The following CCL16 variants were observed in gnomAD, a reference collection of about 807,000 sequenced individuals.
The protein encoded by CCL16 is C-C motif chemokine ligand 16.
Under a neutral mutation model 7.5 loss-of-function variants are expected in CCL16, and 6 were observed. The ratio of observed to expected loss-of-function variants is 0.80; its 90% CI spans 0.44 to 1.57. The LOEUF (loss-of-function observed/expected upper bound fraction) is 1.57, where lower values mean the gene tolerates loss of function less well. CCL16 is among the 40% of genes most tolerant of loss of function. The probability of loss-of-function intolerance (pLI) is 0.01; values close to 1 mark genes in which losing one functional copy is unlikely to be tolerated. For synonymous variants in CCL16, 60 were observed against 57.7 expected, an observed-to-expected ratio of 1.04 and a Z score of -0.18; for missense variants, 134 against 142.9, an observed-to-expected ratio of 0.94 and a Z score of 0.32.
chr17:35,977,581 G>A lies in CCL16; in HGVS notation c.348C>T (p.Leu116=). Residue 116 remains leucine, a synonymous_variant, in exon 3 of 3, where the codon CTC becomes CTT. Transcript: ENST00000611905. ...AGCCTGGTCATCACTGGGAGTTGAGGAGCTGGGGTTGACCATTCTTTGCTG... is the reference window on the plus strand; with the variant it reads ...AGCCTGGTCATCACTGGGAGTTGAGAAGCTGGGGTTGACCATTCTTTGCTG... ...IITAKNGQPQ[L]LNSQ 1.2e-6 allele frequency: 2 copies of A among 1,612,764 alleles called. No individual in the cohort carries two copies. The highest frequency in any genetic ancestry group is 1.7e-6 in the Non-Finnish European group (2 of 1,179,992).
rs1347038111 is a variant in CCL16 at position 35,978,266 on chromosome 17, G to A, written c.77-3C>T. 6.2e-7 allele frequency: 1 copy of A among 1,614,236 alleles called. No individual in the cohort carries two copies. The highest frequency in any genetic ancestry group is 1.7e-5 in the Admixed American group (1 of 60,022). On this transcript the variant is annotated splice_region_variant and splice_polypyrimidine_tract_variant and intron_variant, in intron 1 of 2. Transcript: ENST00000611905. ...GGTGTTCACCCACTCAGGAACTTCT[G>A]AAGGAATCACATTGCAAGCTGAGCC...
At position 35,977,706 on chromosome 17, in the gene CCL16, C is replaced by A; in HGVS notation, c.223G>T (p.Val75Phe). 1 of 1,612,152 alleles carries A rather than the reference C, an allele frequency of 6.2e-7. No individual in the cohort carries two copies. Among genetic ancestry groups the A allele is most frequent in the South Asian group, 1.1e-5 (1 of 90,964 alleles). Residue 75 changes from valine (V) to phenylalanine (F), a missense_variant, in exon 3 of 3, where the codon GTC (valine) becomes TTC (phenylalanine). Val to Phe is a conservative substitution (Grantham distance 50). Coordinates refer to ENST00000611905, the MANE Select transcript of CCL16 (RefSeq NM_004590.4). ...CAGTCGTCATTGGGGTTGGTGCAGA[C>A]TTCTCGGTTCCTCTTGGTGACGAAG... is the stretch of plus-strand genomic sequence containing the variant. ...IIFVTKRNRE[V>F]CTNPNDDWVQ... is the part of the protein sequence containing the mutation.
chr17:35,978,613 G>A (rs1050988825), intron 1 of CCL16, among the ~76,000 whole-genome samples: 2 of 152,178 alleles, frequency 1.3e-5, no homozygotes, highest in Non-Finnish European at 2.9e-5. Context: ...GTAAAAACAT[G>A]AGGAAGATAC....
At chr17:35,981,163 C>T (rs950915310) in intron 1 of CCL16, among the ~76,000 whole-genome samples, 182 bp downstream of exon 1, 5 of 152,092 alleles carry the variant, frequency 3.3e-5, no homozygotes, top group African/African-American at 7.2e-5. Flanking sequence ...CAGAAAGATC[C>T]GGACCAACCC....
At chr17:35,978,074 C>A in intron 2 of CCL16, 69 bp downstream of exon 2, 2 of 1,601,728 alleles carry the variant, frequency 1.2e-6, no homozygotes, top group East Asian at 2.2e-5. Flanking sequence ...CTCTTGATCC[C>A]ATGTATCTCA....
rs780632362 is a variant in CCL16 at position 35,977,665 on chromosome 17, G to C, written c.264C>G (p.Ile88Met). 18 of 1,612,304 alleles carry C rather than the reference G, an allele frequency of 1.1e-5. No homozygotes were observed. Among genetic ancestry groups the C allele is most frequent in the Non-Finnish European group, 1.3e-5 (15 of 1,179,988 alleles). ...GCAGCAAAGGTAGGTTGGGATCCTTGATGTACTCTTGGACCCAGTCGTCAT... is the reference window on the plus strand; with the variant it reads ...GCAGCAAAGGTAGGTTGGGATCCTTCATGTACTCTTGGACCCAGTCGTCAT... Reference protein sequence around the residue: ...NPNDDWVQEYIKDPNLPLLPT... With the variant: ...NPNDDWVQEYMKDPNLPLLPT... The change falls in exon 3 of 3, where the codon ATC becomes ATG. Residue 88 changes from isoleucine (I) to methionine (M), a missense_variant. Transcript: ENST00000611905.
chr17:35,980,138 T>C (rs2089669891), intron 1 of CCL16, among the ~76,000 whole-genome samples: 1 of 152,106 alleles, frequency 6.6e-6, no homozygotes, highest in African/African-American at 2.4e-5. Context: ...ATCCTGAGAG[T>C]ATGTGGGCAG....
intron 2 of CCL16, 37 bp from the exon 3 acceptor site, chr17:35,977,768 C>T (rs748734275): frequency 1.2e-6 from 2 of 1,601,492 alleles, no homozygotes; most frequent in Admixed American, 1.7e-5. Flanking sequence ...GGGCTGCAGA[C>T]TCGGGCAGGA....
Position 35,977,365 on chromosome 17 carries a change from G to C in CCL16, c.*201C>G, listed in dbSNP as rs1435364825. The C allele has an allele frequency of 4.8e-6, 2 of 412,894 alleles. No individual in the cohort carries two copies. The highest frequency in any genetic ancestry group is 4.1e-5 in the African/African-American group (2 of 48,562). The allele number at this position is 412,894 out of a possible 1,614,324, so 25.6% of individuals were successfully genotyped here. ...TAAAAATATAAATATAAAAATAAAAGAGCGTACCTCTGCCCACGTCCCTTA... is the reference window on the plus strand; with the variant it reads ...TAAAAATATAAATATAAAAATAAAACAGCGTACCTCTGCCCACGTCCCTTA... On this transcript the variant is annotated 3_prime_UTR_variant, in exon 3 of 3. Transcript: ENST00000611905.
At chr17:35,978,096 G>A (rs1406759422) in intron 2 of CCL16, 47 bp downstream of exon 2, 1 of 1,612,986 alleles carries the variant, frequency 6.2e-7, no homozygotes, top group Non-Finnish European at 8.5e-7. Flanking sequence ...TCCTGCCCCT[G>A]GGCTCCCTGT....
In CCL16 at chr17:35,977,589, GT is replaced by G; in HGVS notation, c.339del (p.Gln113HisfsTer24). 1 of 1,612,704 alleles carries G rather than the reference GT, an allele frequency of 6.2e-7. No individual in the cohort carries two copies. Among genetic ancestry groups the G allele is most frequent in the Non-Finnish European group, 8.5e-7 (1 of 1,179,972 alleles). ...CATCACTGGGAGTTGAGGAGCTGGG[GT>G]TGACCATTCTTTGCTGTAATAATTT... The part of the protein sequence containing the change: ...TVKIITAKNG[Q>X]PQLLNSQ On this transcript the variant is annotated frameshift_variant, in exon 3 of 3. Transcript: ENST00000611905. LOFTEE classifies it high-confidence loss of function.
chr17:35,980,446 G>C (rs1189371329), intron 1 of CCL16: 1 of 155,704 alleles, frequency 6.4e-6, no homozygotes, highest in African/African-American at 2.4e-5. Context: ...ACTTGAACTC[G>C]GGAGGCGGAG....
At chr17:35,981,299 C>G in intron 1 of CCL16, 46 bp downstream of exon 1, 3 of 1,419,832 alleles carry the variant, frequency 2.1e-6, no homozygotes, top group African/African-American at 1.4e-5. Flanking sequence ...GCCAGCTGCT[C>G]CATCCCCCTT....
chr17:35,979,064 G>T (rs558737532), intron 1 of CCL16: 1 of 152,036 alleles, frequency 6.6e-6, no homozygotes, highest in Admixed American at 6.5e-5. Context: ...GGAGTCAGAG[G>T]TTGCAATGAG....
intron 1 of CCL16, 21 bp downstream of exon 1, chr17:35,981,323 CT>C (rs1403915535): frequency 6.3e-7 from 1 of 1,582,234 alleles, no homozygotes; most frequent in Non-Finnish European, 8.7e-7. Context: ...CGTTCCTGCC[CT>C]ACAGAGACAA....
At position 35,981,358 on chromosome 17, in the gene CCL16, A is replaced by G. The variant is rs758075390; in HGVS notation, c.63T>C (p.Ser21=). 6.2e-7 allele frequency: 1 copy of G among 1,612,410 alleles called. No homozygotes were observed. The highest frequency in any genetic ancestry group is 8.5e-7 in the Non-Finnish European group (1 of 1,179,198). ...LVLILIITSA[S]RSQPKVPEWV... ...AAGTGGACTCACTTGGCTGGCTGCGAGAAGCCGAAGTAATGATAAGGATGA... is the reference window on the plus strand; with the variant it reads ...AAGTGGACTCACTTGGCTGGCTGCGGGAAGCCGAAGTAATGATAAGGATGA... The change falls in exon 1 of 3, where the codon TCT becomes TCC. Residue 21 remains serine, a synonymous_variant. Transcript: ENST00000611905.
chr17:35,977,271 TCAAG>T lies in CCL16; in HGVS notation c.*291_*294del, dbSNP rs2089644274. ...AGGTGGAGGTTACAGTGAGCCAAGA[TCAAG>T]TGAGCCAAGATCACACCACTGCACT... On this transcript the variant is annotated 3_prime_UTR_variant, in exon 3 of 3. Transcript: ENST00000611905. 1 of 143,302 alleles carries T rather than the reference TCAAG, an allele frequency of 7.0e-6. No individual in the cohort carries two copies. 8.9% of individuals were successfully genotyped at this position (143,302 alleles called of 1,614,324 possible). A position where few individuals can be genotyped will look rare whatever the true frequency, so the allele number is the denominator to read the frequency against.
rs71157586 is a variant in CCL16, at chr17:35,980,521, CAAACA to C, written c.76+819_76+823del. 1,824 of 184,054 alleles carry C rather than the reference CAAACA, an allele frequency of 9.9e-3. 38 individuals carry two copies. Among genetic ancestry groups the C allele is most frequent in the African/African-American group, 0.04 (1,687 of 41,898 alleles). 11.4% of individuals were successfully genotyped at this position (184,054 alleles called of 1,614,324 possible). A position where few individuals can be genotyped will look rare whatever the true frequency, so the allele number is the denominator to read the frequency against. ...GGGCAACAAGAGCGAAACTCCATCACAAACAAAACAAAACAAAACAAAACACAACA... is the reference window on the plus strand; with the variant it reads ...GGGCAACAAGAGCGAAACTCCATCACAAACAAAACAAAACAAAACACAACA... On this transcript the variant is annotated intron_variant, in intron 1 of 2. Coordinates refer to ENST00000611905, the MANE Select transcript of CCL16 (RefSeq NM_004590.4).
Position 35,976,546 on chromosome 17 carries a change from A to G in CCL16, c.*1020T>C, listed in dbSNP as rs2089636762. 6.6e-6 allele frequency: 1 copy of G among 152,148 alleles called. No individual in the cohort carries two copies. The highest frequency in any genetic ancestry group is 2.4e-5 in the African/African-American group (1 of 41,430). The allele number at this position is 152,148 out of a possible 1,614,324, so 9.4% of individuals were successfully genotyped here. On this transcript the variant is annotated 3_prime_UTR_variant, in exon 3 of 3. Coordinates refer to ENST00000611905, the MANE Select transcript of CCL16 (RefSeq NM_004590.4). The stretch of plus-strand genomic sequence containing the variant: ...TATTGCATGTTTGGGTTTTGGACTA[A>G]GAGTTTACCCCTAGCCGTGTCTCAT...
Sources: gnomAD v4.1 joint callset for allele counts (sites outside exome capture counted in the v4.1 genomes callset) on GRCh38, gnomAD v4.1.1 for gene constraint, MANE v1.5 for transcripts, NCBI Gene and HGNC (gene_info 2026-07-23, HGNC 2026-07-21) for gene names.